Variants in VASP observed in about 807,000 individuals in gnomAD.
The protein encoded by VASP is vasodilator stimulated phosphoprotein.
In VASP, 27 loss-of-function variants were observed where a neutral mutation model predicts 54.4. The ratio of observed to expected loss-of-function variants is 0.50; its 90% confidence interval spans 0.37 to 0.68. The LOEUF (loss-of-function observed/expected upper bound fraction) is 0.68. VASP is among the 30% of genes least tolerant of loss of function. The pLI is 0.00. For synonymous variants in VASP, 233 were observed against 209.8 expected, an observed-to-expected ratio of 1.11 and a Z score of -0.96; for missense variants, 488 against 528.3, an observed-to-expected ratio of 0.92 and a Z score of 0.75.
chr19:45,517,953 C>CG lies in VASP; in HGVS notation c.206dup (p.Val70CysfsTer4), dbSNP rs1568387905. 2 of 1,613,800 alleles carry CG rather than the reference C, an allele frequency of 1.2e-6. No individual in the cohort carries two copies. The highest frequency in any genetic ancestry group is 1.7e-6 in the Non-Finnish European group (2 of 1,179,924). On this transcript the variant is annotated frameshift_variant, in exon 3 of 13. Transcript: ENST00000245932. LOFTEE classifies it high-confidence loss of function. Reference sequence around the variant, plus strand: ...GGTGGTCATCAACTGTGCCATCGTCCGGGGTGTCAAGTATAACCAGGCCAC... The same window carrying CG: ...GGTGGTCATCAACTGTGCCATCGTCCGGGGGTGTCAAGTATAACCAGGCCAC...
intron 3 of VASP, among the ~76,000 whole-genome samples, chr19:45,518,435 G>A (rs1047807254): frequency 6.6e-6 from 1 of 152,022 alleles, no homozygotes; most frequent in African/African-American, 2.4e-5. Context: ...GGTGGTGCGC[G>A]CCTGTAATCC....
intron 1 of VASP, among the ~76,000 whole-genome samples, chr19:45,510,106 C>A (rs1403505200): frequency 6.6e-6 from 1 of 152,030 alleles, no homozygotes; most frequent in African/African-American, 2.4e-5. Flanking sequence ...GGGTCCATTT[C>A]TTTCTTCTTC....
chr19:45,521,828 G>T (rs912672533), intron 4 of VASP, among the ~76,000 whole-genome samples: 7 of 152,052 alleles, frequency 4.6e-5, no homozygotes, highest in Middle Eastern at 3.4e-3. Context: ...GGCAGAGGTT[G>T]CAGTGAGCCA....
intron 11 of VASP, 152 bp downstream of exon 11, chr19:45,524,812 G>T: frequency 1.5e-6 from 1 of 668,618 alleles, no homozygotes; most frequent in South Asian, 1.8e-5. Context: ...GGATGACCGA[G>T]ACTCCACACC....
At chr19:45,508,817 G>A (rs1337950569) in intron 1 of VASP, among the ~76,000 whole-genome samples, 2 of 152,188 alleles carry the variant, frequency 1.3e-5, no homozygotes, top group Non-Finnish European at 2.9e-5. Context: ...TCCTGGGGGT[G>A]GCGGCCCAAG....
intron 1 of VASP, among the ~76,000 whole-genome samples, chr19:45,514,261 G>A (rs1568386257): frequency 1.3e-5 from 2 of 152,128 alleles, no homozygotes; most frequent in Non-Finnish European, 2.9e-5. Context: ...ACAGTGGAGC[G>A]GGAAGAAATG....
At chr19:45,515,960 G>A (rs1968693172) in intron 1 of VASP, among the ~76,000 whole-genome samples, 1 of 152,192 alleles carries the variant, frequency 6.6e-6, no homozygotes, top group Non-Finnish European at 1.5e-5. Context: ...ATGTGCCTGA[G>A]TCACATGAAG....
intron 1 of VASP, among the ~76,000 whole-genome samples, chr19:45,515,511 G>A (rs771819196): frequency 1.3e-5 from 2 of 152,172 alleles, no homozygotes; most frequent in Non-Finnish European, 2.9e-5. Flanking sequence ...CTCTCGGCGT[G>A]TGCTGGACGC....
rs1472794089 is a variant in VASP at position 45,519,894 on chromosome 19, C to CCTT, written c.344-1428_344-1427insCTT. Among the ~76,000 whole-genome samples the CCTT allele has an allele frequency of 9.8e-5, 5 of 50,974 alleles. 1 individual carries two copies. Among genetic ancestry groups the CCTT allele is most frequent in the Admixed American group, 8.3e-4 (3 of 3,596 alleles). 33.4% of individuals were successfully genotyped at this position (50,974 alleles called of 152,430 possible). A position where few individuals can be genotyped will look rare whatever the true frequency, so the allele number is the denominator to read the frequency against. On this transcript the variant is annotated intron_variant, in intron 3 of 12. Transcript: ENST00000245932. ...ACAGGCGTGAGCCACTGCGCCCGGC[C>CCTT]TTTTTTTTTTTTTTTTTTTTTTTTT...
At chr19:45,522,281 G>A (rs1029718209) in intron 5 of VASP, 59 bp from the exon 6 acceptor site, 8 of 1,613,874 alleles carry the variant, frequency 5.0e-6, no homozygotes, top group Non-Finnish European at 6.8e-6. Flanking sequence ...CCAGCCAGCT[G>A]GACAGTGAAG....
chr19:45,521,509 T>G, intron 4 of VASP, 103 bp downstream of exon 4: 7 of 1,091,668 alleles, frequency 6.4e-6, no homozygotes, highest in Non-Finnish European at 9.0e-6. Context: ...CTTGCAGTTT[T>G]CAGAATGTTC....
At position 45,525,955 on chromosome 19, in the gene VASP, G is replaced by A; in HGVS notation, c.1057G>A (p.Glu353Lys). The A allele has an allele frequency of 6.2e-7, 1 of 1,614,012 alleles. No homozygotes were observed. Among genetic ancestry groups the A allele is most frequent in the Non-Finnish European group, 8.5e-7 (1 of 1,180,002 alleles). The change falls in exon 12 of 13, where the codon GAA (glutamate) becomes AAA (lysine). Residue 353 changes from glutamate (E) to lysine (K), a missense_variant. Physicochemically the swap from Glu to Lys is moderately conservative, Grantham distance 56. Around this residue, in one of 4 missense-constraint regions of VASP, gnomAD observed 126 missense variants for 134.8 expected, o/e 0.94. Coordinates refer to ENST00000245932, the MANE Select transcript of VASP (RefSeq NM_003370.4). ...ACCCCATTAATTTTAGGAGCTTCTG[G>A]AAGAGGTGAAGAAGGAATTGCAGAA... Reference protein sequence around the residue: ...DLQRVKQELLEEVKKELQKVK... With the variant: ...DLQRVKQELLKEVKKELQKVK...
At chr19:45,520,121 C>T (rs923883773) in intron 3 of VASP, among the ~76,000 whole-genome samples, 3 of 151,916 alleles carry the variant, frequency 2.0e-5, no homozygotes, top group East Asian at 3.9e-4. Context: ...AGGCTGGTCT[C>T]GAACTCCTGA....
intron 1 of VASP, among the ~76,000 whole-genome samples, chr19:45,514,424 T>C (rs989337922): frequency 1.2e-4 from 18 of 152,110 alleles, no homozygotes; most frequent in Non-Finnish European, 2.4e-4. Flanking sequence ...TCTCACTGTG[T>C]TGCCCAGGCT....
chr19:45,525,946 G>C lies in VASP; in HGVS notation c.1048G>C (p.Glu350Gln), dbSNP rs1297091674. The C allele has an allele frequency of 6.2e-7, 1 of 1,613,434 alleles. No homozygotes were observed. Among genetic ancestry groups the C allele is most frequent in the African/African-American group, 1.3e-5 (1 of 74,870 alleles). Residue 350 changes from glutamate to glutamine, a missense_variant and splice_region_variant, in exon 12 of 13, where the codon GAG (glutamate) becomes CAG (glutamine). Physicochemically the swap from Glu to Gln is conservative, Grantham distance 29. Transcript: ENST00000245932. Reference protein sequence around the residue: ...DYSDLQRVKQELLEEVKKELQ... With the variant: ...DYSDLQRVKQQLLEEVKKELQ... ...ATTAGTTTTACCCCATTAATTTTAG[G>C]AGCTTCTGGAAGAGGTGAAGAAGGA...
intron 3 of VASP, 124 bp downstream of exon 3, chr19:45,518,218 G>A: frequency 7.4e-7 from 1 of 1,359,826 alleles, no homozygotes; most frequent in Non-Finnish European, 9.8e-7. Context: ...TGTTATCATG[G>A]AAAATTATCA....
chr19:45,508,481 G>A (rs1968534147), intron 1 of VASP, among the ~76,000 whole-genome samples: 1 of 152,150 alleles, frequency 6.6e-6, no homozygotes, highest in South Asian at 2.1e-4. Context: ...TCGGAGCAGA[G>A]GGCGGCTCCC....
rs562789117 is a variant in VASP, at chr19:45,512,535, G to A, written c.5+4759G>A. ...ACTCCTGACATCAAGAGGTCCGCCT[G>A]CTTCGGCCTCCCAAAGTGCTGGGAT... On this transcript the variant is annotated intron_variant, in intron 1 of 12. Coordinates refer to ENST00000245932, the MANE Select transcript of VASP (RefSeq NM_003370.4). Among the ~76,000 whole-genome samples the A allele has an allele frequency of 1.2e-4, 18 of 152,092 alleles. No individual in the cohort carries two copies. In the East Asian group the frequency reaches 3.5e-3, roughly 30 times the overall value.
Position 45,521,356 on chromosome 19 carries a change from C to T in VASP, c.378C>T (p.Thr126=). Residue 126 remains threonine (T), a synonymous_variant, in exon 4 of 13, where the codon ACC becomes ACT. Coordinates refer to ENST00000245932, the MANE Select transcript of VASP (RefSeq NM_003370.4). ...CCCCTCCACCCCCAGCACTTCCCAC[C>T]TGGTCGGTCCCGAACGGCCCCTCCC... ...GGPPPPPALP[T]WSVPNGPSPE... The T allele has an allele frequency of 6.3e-7, 1 of 1,582,888 alleles. No individual in the cohort carries two copies. The highest frequency in any genetic ancestry group is 8.6e-7 in the Non-Finnish European group (1 of 1,164,588).
Sources: allele counts gnomAD v4.1 joint callset (sites outside exome capture counted in the v4.1 genomes callset), GRCh38; gene constraint gnomAD v4.1.1; regional missense constraint gnomAD v4.1.1; transcripts MANE v1.5; gene names NCBI Gene and HGNC (gene_info 2026-07-23, HGNC 2026-07-21).